Variants in NHLRC1 observed in about 807,000 individuals in gnomAD.
NHLRC1 encodes NHL repeat containing E3 ubiquitin protein ligase 1, also known as E3 ubiquitin-protein ligase NHLRC1.
Under a neutral mutation model 14.6 loss-of-function variants are expected in NHLRC1, and 10 were observed. The observed-to-expected ratio is 0.69, with a 90% CI of 0.42 to 1.17. The LOEUF (loss-of-function observed/expected upper bound fraction) is 1.17. Among genes scored for constraint, NHLRC1 ranks in the 50% most tolerant of loss-of-function variants. The probability of loss-of-function intolerance (pLI) is 0.00; values close to 1 mark genes in which losing one functional copy is unlikely to be tolerated. For missense variants in NHLRC1, 526 were observed against 522.9 expected, an observed-to-expected ratio of 1.01 and a Z score of -0.06; for synonymous variants, 231 against 224.0, an observed-to-expected ratio of 1.03 and a Z score of -0.28.
chr6:18,121,720 A>T lies in NHLRC1; in HGVS notation c.887T>A (p.Val296Glu). The change falls in exon 1 of 1, where the codon GTG becomes GAG. Residue 296 changes from valine (V) to glutamate (E), a missense_variant. Coordinates refer to ENST00000340650, the MANE Select transcript of NHLRC1 (RefSeq NM_198586.3). This position sits in a 1 kb window ranked among gnomAD's most constrained non-coding sequence, Gnocchi z 4.7. The part of the protein sequence containing the change: ...GTGVCSTRVK[V>E]FSSSMQLVGQ... ...GACAAGCTGCATACTTGAGCTAAAC[A>T]CTTTCACCCTGGTGCTGCAAACCCC... 6.2e-7 allele frequency: 1 copy of T among 1,614,000 alleles called. No individual in the cohort carries two copies. The highest frequency in any genetic ancestry group is 8.5e-7 in the Non-Finnish European group (1 of 1,180,020).
At position 18,121,917 on chromosome 6, in the gene NHLRC1, C is replaced by T. The variant is rs1245001963; in HGVS notation, c.690G>A (p.Val230=). The T allele has an allele frequency of 4.3e-6, 7 of 1,614,208 alleles. No homozygotes were observed. The highest frequency in any genetic ancestry group is 1.1e-5 in the South Asian group (1 of 91,088). The change falls in exon 1 of 1, where the codon GTG becomes GTA. Residue 230 remains valine (V), a synonymous_variant. Coordinates refer to ENST00000340650, the MANE Select transcript of NHLRC1 (RefSeq NM_198586.3). The surrounding 1 kb of genome is among the most constrained non-coding windows in gnomAD (Gnocchi z 4.7). ...GGGACCCTGCCTCCGCATCAGTTAC[C>T]ACAATCCCATTCTGAGGGGTGGTCT... is the stretch of plus-strand genomic sequence containing the variant. The part of the protein sequence containing the change: ...GVETTPQNGI[V]VTDAEAGSLH...
chr6:18,121,808 C>A lies in NHLRC1; in HGVS notation c.799G>T (p.Val267Leu), dbSNP rs756925518. The change falls in exon 1 of 1, where the codon GTG becomes TTG. Residue 267 changes from valine to leucine, a missense_variant. Coordinates refer to ENST00000340650, the MANE Select transcript of NHLRC1 (RefSeq NM_198586.3). The surrounding 1 kb of genome is among the most constrained non-coding windows in gnomAD (Gnocchi z 4.7). The part of the protein sequence containing the change: ...LQAHLCNPRG[V>L]AVSWLTGAIA... ...GCCCCGGTGAGCCAAGACACTGCCA[C>A]CCCTCGGGGATTGCACAGATGAGCT... is the stretch of plus-strand genomic sequence containing the variant. 1 of 1,613,918 alleles carries A rather than the reference C, an allele frequency of 6.2e-7. No individual in the cohort carries two copies. Among genetic ancestry groups the A allele is most frequent in the South Asian group, 1.1e-5 (1 of 91,086 alleles).
In NHLRC1 at chr6:18,121,214, C is replaced by G. The variant is rs1188742567; in HGVS notation, c.*205G>C. 1 of 599,520 alleles carries G rather than the reference C, an allele frequency of 1.7e-6. No homozygotes were observed. The highest frequency in any genetic ancestry group is 3.0e-6 in the Non-Finnish European group (1 of 338,342). The allele number at this position is 599,520 out of a possible 1,614,324, so 37.1% of individuals were successfully genotyped here. On this transcript the variant is annotated 3_prime_UTR_variant, in exon 1 of 1. Coordinates refer to ENST00000340650, the MANE Select transcript of NHLRC1 (RefSeq NM_198586.3). This position sits in a 1 kb window ranked among gnomAD's most constrained non-coding sequence, Gnocchi z 4.7. ...CACTGGATAGTACAGATTAAATAAG[C>G]TAATATTTGCAAATTTCCTTGCACA...
chr6:18,122,325 G>A lies in NHLRC1; in HGVS notation c.282C>T (p.Gly94=). Residue 94 remains glycine, a synonymous_variant, in exon 1 of 1, where the codon GGC becomes GGT. Coordinates refer to ENST00000340650, the MANE Select transcript of NHLRC1 (RefSeq NM_198586.3). ...CGGCCGGGGACTGGCGAAGCGCTGA[G>A]CCCAGGAGCTCTATGAGGTGCAGCA... ...LPVLHLIELL[G]SALRQSPAAH... is the part of the protein sequence containing the mutation. 1 of 1,581,044 alleles carries A rather than the reference G, an allele frequency of 6.3e-7. No individual in the cohort carries two copies. The highest frequency in any genetic ancestry group is 8.5e-7 in the Non-Finnish European group (1 of 1,171,204).
Position 18,121,379 on chromosome 6 carries a change from A to G in NHLRC1, c.*40T>C. ...CAGGGTTAAACAATTCATTAATGGC[A>G]GCACTAGTGCTTCTGATTCCAGGGA... On this transcript the variant is annotated 3_prime_UTR_variant, in exon 1 of 1. Transcript: ENST00000340650. The surrounding 1 kb of genome is among the most constrained non-coding windows in gnomAD (Gnocchi z 4.7). 7.0e-7 allele frequency: 1 copy of G among 1,427,202 alleles called. No homozygotes were observed. Among genetic ancestry groups the G allele is most frequent in the Non-Finnish European group, 9.9e-7 (1 of 1,010,520 alleles). 88.4% of individuals were successfully genotyped at this position (1,427,202 alleles called of 1,614,324 possible). A position where few individuals can be genotyped will look rare whatever the true frequency, so the allele number is the denominator to read the frequency against.
Position 18,120,831 on chromosome 6 carries a change from C to G in NHLRC1, c.*588G>C, listed in dbSNP as rs1783719234. ...AGTAACTATGACCTCGAGGAAGTCACTTAAGCTCTCTGGGTCTCAGTTTTC... is the reference window on the plus strand; with the variant it reads ...AGTAACTATGACCTCGAGGAAGTCAGTTAAGCTCTCTGGGTCTCAGTTTTC... On this transcript the variant is annotated 3_prime_UTR_variant, in exon 1 of 1. Coordinates refer to ENST00000340650, the MANE Select transcript of NHLRC1 (RefSeq NM_198586.3). 1 of 154,500 alleles carries G rather than the reference C, an allele frequency of 6.5e-6. No individual in the cohort carries two copies. The allele number at this position is 154,500 out of a possible 1,614,324, so 9.6% of individuals were successfully genotyped here.
rs201855901 is a variant in NHLRC1 at position 18,121,742 on chromosome 6, C to G, written c.865G>C (p.Val289Leu). The change falls in exon 1 of 1, where the codon GTT becomes CTT. Residue 289 changes from valine to leucine, a missense_variant. Physicochemically the swap from Val to Leu is conservative, Grantham distance 32. Transcript: ENST00000340650. This position sits in a 1 kb window ranked among gnomAD's most constrained non-coding sequence, Gnocchi z 4.7. Reference sequence around the variant, plus strand: ...AACACTTTCACCCTGGTGCTGCAAACCCCAGTCCCCAGGGCCAGGGGGTGC... The same window carrying G: ...AACACTTTCACCCTGGTGCTGCAAAGCCCAGTCCCCAGGGCCAGGGGGTGC... ...LEHPLALGTG[V>L]CSTRVKVFSS... is the part of the protein sequence containing the mutation. 6.2e-7 allele frequency: 1 copy of G among 1,614,036 alleles called. No individual in the cohort carries two copies. Among genetic ancestry groups the G allele is most frequent in the African/African-American group, 1.3e-5 (1 of 75,046 alleles).
In NHLRC1 at chr6:18,122,472, G is replaced by C. The variant is rs2150703342; in HGVS notation, c.135C>G (p.Ser45=). Residue 45 remains serine, a synonymous_variant, in exon 1 of 1, where the codon TCC becomes TCG. Coordinates refer to ENST00000340650, the MANE Select transcript of NHLRC1 (RefSeq NM_198586.3). ...AGGCCAGGCAGACCACGTGGCCGCA[G>C]GACAGGTTGCGCGGGCGCCGCTGCT... ...HRQQRRPRNL[S]CGHVVCLACV... 1 of 1,596,734 alleles carries C rather than the reference G, an allele frequency of 6.3e-7. No individual in the cohort carries two copies.
At position 18,120,495 on chromosome 6, in the gene NHLRC1, AC is replaced by A. The variant is rs2150702301; in HGVS notation, c.*923del. The A allele has an allele frequency of 6.6e-6, 1 of 152,360 alleles. No individual in the cohort carries two copies. Among genetic ancestry groups the A allele is most frequent in the Non-Finnish European group, 1.5e-5 (1 of 68,034 alleles). 9.4% of individuals were successfully genotyped at this position (152,360 alleles called of 1,614,324 possible). A position where few individuals can be genotyped will look rare whatever the true frequency, so the allele number is the denominator to read the frequency against. ...GATATAGGCGTTAAAAGACATGTTT[AC>A]TTTTTTAATAAGCAGTTCAATTGTT... On this transcript the variant is annotated 3_prime_UTR_variant, in exon 1 of 1. Coordinates refer to ENST00000340650, the MANE Select transcript of NHLRC1 (RefSeq NM_198586.3).
Position 18,122,445 on chromosome 6 carries a change from G to A in NHLRC1, c.162C>T (p.Cys54=). Residue 54 remains cysteine, a synonymous_variant, in exon 1 of 1, where the codon TGC becomes TGT. Coordinates refer to ENST00000340650, the MANE Select transcript of NHLRC1 (RefSeq NM_198586.3). ...TGCGCGGGTGCGCCAGGGCGGCCACGCAGGCCAGGCAGACCACGTGGCCGC... is the reference window on the plus strand; with the variant it reads ...TGCGCGGGTGCGCCAGGGCGGCCACACAGGCCAGGCAGACCACGTGGCCGC... ...LSCGHVVCLA[C]VAALAHPRTL... 8.8e-6 allele frequency: 14 copies of A among 1,594,004 alleles called. No homozygotes were observed. The highest frequency in any genetic ancestry group is 1.2e-5 in the Non-Finnish European group (14 of 1,177,948).
At position 18,121,141 on chromosome 6, in the gene NHLRC1, G is replaced by T. The variant is rs147601747; in HGVS notation, c.*278C>A. 6 of 452,012 alleles carry T rather than the reference G, an allele frequency of 1.3e-5. No homozygotes were observed. In the East Asian group the frequency reaches 2.7e-4, roughly 20 times the overall value. The allele number at this position is 452,012 out of a possible 1,614,324, so 28.0% of individuals were successfully genotyped here. A position where few individuals can be genotyped will look rare whatever the true frequency, so the allele number is the denominator to read the frequency against. ...GCTGTGATCATGCTTCTGCACTCCA[G>T]CCTGGGTGACAGAGCTTGACTCTAT... is the stretch of plus-strand genomic sequence containing the variant. On this transcript the variant is annotated 3_prime_UTR_variant, in exon 1 of 1. Coordinates refer to ENST00000340650, the MANE Select transcript of NHLRC1 (RefSeq NM_198586.3). The surrounding 1 kb of genome is among the most constrained non-coding windows in gnomAD (Gnocchi z 4.7).
In NHLRC1 at chr6:18,121,731, G is replaced by C; in HGVS notation, c.876C>G (p.Thr292=). The stretch of plus-strand genomic sequence containing the variant: ...TACTTGAGCTAAACACTTTCACCCT[G>C]GTGCTGCAAACCCCAGTCCCCAGGG... ...PLALGTGVCS[T]RVKVFSSSMQ... The change falls in exon 1 of 1, where the codon ACC becomes ACG. Residue 292 remains threonine, a synonymous_variant. Coordinates refer to ENST00000340650, the MANE Select transcript of NHLRC1 (RefSeq NM_198586.3). The surrounding 1 kb of genome is among the most constrained non-coding windows in gnomAD (Gnocchi z 4.7). 1 of 1,614,062 alleles carries C rather than the reference G, an allele frequency of 6.2e-7. No individual in the cohort carries two copies. The highest frequency in any genetic ancestry group is 8.5e-7 in the Non-Finnish European group (1 of 1,180,026).
Position 18,122,288 on chromosome 6 carries a change from C to T in NHLRC1, c.319G>A (p.Ala107Thr), listed in dbSNP as rs796052755. The change falls in exon 1 of 1, where the codon GCC (alanine) becomes ACC (threonine). Residue 107 changes from alanine to threonine, a missense_variant. Ala to Thr is a moderately conservative substitution (Grantham distance 58). Coordinates refer to ENST00000340650, the MANE Select transcript of NHLRC1 (RefSeq NM_198586.3). The part of the protein sequence containing the change: ...LRQSPAAHRA[A>T]PSAPGALTCH... ...GTGAGGGCTCCGGGGGCGCTGGGGGCGGCGCGATGGGCGGCCGGGGACTGG... is the reference window on the plus strand; with the variant it reads ...GTGAGGGCTCCGGGGGCGCTGGGGGTGGCGCGATGGGCGGCCGGGGACTGG... The T allele has an allele frequency of 1.3e-6, 2 of 1,597,302 alleles. No homozygotes were observed. The highest frequency in any genetic ancestry group is 1.3e-5 in the African/African-American group (1 of 74,838).
At position 18,121,165 on chromosome 6, in the gene NHLRC1, A is replaced by G. The variant is rs1783725605; in HGVS notation, c.*254T>C. 5 of 489,170 alleles carry G rather than the reference A, an allele frequency of 1.0e-5. No homozygotes were observed. The highest frequency in any genetic ancestry group is 6.6e-5 in the Admixed American group (2 of 30,078). 30.3% of individuals were successfully genotyped at this position (489,170 alleles called of 1,614,324 possible). A position where few individuals can be genotyped will look rare whatever the true frequency, so the allele number is the denominator to read the frequency against. ...AGCCTGGGTGACAGAGCTTGACTCT[A>G]TCTTGGGGGGGAAGAAATTACCTCA... On this transcript the variant is annotated 3_prime_UTR_variant, in exon 1 of 1. Coordinates refer to ENST00000340650, the MANE Select transcript of NHLRC1 (RefSeq NM_198586.3). This position sits in a 1 kb window ranked among gnomAD's most constrained non-coding sequence, Gnocchi z 4.7.
At position 18,121,165 on chromosome 6, in the gene NHLRC1, A is replaced by C. The variant is rs1783725605; in HGVS notation, c.*254T>G. The stretch of plus-strand genomic sequence containing the variant: ...AGCCTGGGTGACAGAGCTTGACTCT[A>C]TCTTGGGGGGGAAGAAATTACCTCA... On this transcript the variant is annotated 3_prime_UTR_variant, in exon 1 of 1. Coordinates refer to ENST00000340650, the MANE Select transcript of NHLRC1 (RefSeq NM_198586.3). This position sits in a 1 kb window ranked among gnomAD's most constrained non-coding sequence, Gnocchi z 4.7. The C allele has an allele frequency of 4.1e-6, 2 of 489,286 alleles. No homozygotes were observed. The highest frequency in any genetic ancestry group is 7.4e-6 in the Non-Finnish European group (2 of 268,626). 30.3% of individuals were successfully genotyped at this position (489,286 alleles called of 1,614,324 possible).
Position 18,122,307 on chromosome 6 carries a change from G to A in NHLRC1, c.300C>T (p.Ser100=), listed in dbSNP as rs774110305. ...IELLGSALRQ[S]PAAHRAAPSA... ...TGGGGGCGGCGCGATGGGCGGCCGG[G>A]GACTGGCGAAGCGCTGAGCCCAGGA... is the stretch of plus-strand genomic sequence containing the variant. Residue 100 remains serine, a synonymous_variant, in exon 1 of 1, where the codon TCC becomes TCT. Transcript: ENST00000340650. 1.9e-6 allele frequency: 3 copies of A among 1,588,862 alleles called. No homozygotes were observed. The Admixed American group carries it at 5.2e-5, about 28-fold the overall frequency.
In NHLRC1 at chr6:18,121,642, G is replaced by A. The variant is rs775777721; in HGVS notation, c.965C>T (p.Ala322Val). Residue 322 changes from alanine to valine, a missense_variant, in exon 1 of 1, where the codon GCC becomes GTC. By Grantham distance (64) the Ala-to-Val change is moderately conservative. Transcript: ENST00000340650. This position sits in a 1 kb window ranked among gnomAD's most constrained non-coding sequence, Gnocchi z 4.7. ...CTGGTGATCAAAGGTCACAGCGGAG[G>A]CAGTTATTTTGGAGGGAAAGTAGAG... ...LSLYFPSKIT[A>V]SAVTFDHQGN... is the part of the protein sequence containing the mutation. 2.5e-6 allele frequency: 4 copies of A among 1,614,142 alleles called. No homozygotes were observed. The highest frequency in any genetic ancestry group is 2.5e-6 in the Non-Finnish European group (3 of 1,180,024).
chr6:18,121,883 G>A lies in NHLRC1; in HGVS notation c.724C>T (p.Leu242=). The A allele has an allele frequency of 6.2e-7, 1 of 1,614,164 alleles. No homozygotes were observed. The highest frequency in any genetic ancestry group is 8.5e-7 in the Non-Finnish European group (1 of 1,180,036). Residue 242 remains leucine (L), a synonymous_variant, in exon 1 of 1, where the codon CTG becomes TTG. Coordinates refer to ENST00000340650, the MANE Select transcript of NHLRC1 (RefSeq NM_198586.3). The surrounding 1 kb of genome is among the most constrained non-coding windows in gnomAD (Gnocchi z 4.7). ...TDAEAGSLHL[L]DVDFAEGVLR... The stretch of plus-strand genomic sequence containing the variant: ...ACCCCTTCCGCGAAGTCGACGTCCA[G>A]GAGGTGCAGGGACCCTGCCTCCGCA...
chr6:18,120,983 C>T lies in NHLRC1; in HGVS notation c.*436G>A. The T allele has an allele frequency of 4.7e-6, 1 of 213,548 alleles. No individual in the cohort carries two copies. Among genetic ancestry groups the T allele is most frequent in the Non-Finnish European group, 9.5e-6 (1 of 105,358 alleles). The allele number at this position is 213,548 out of a possible 1,614,324, so 13.2% of individuals were successfully genotyped here. ...CTCAGGAGTTTGAGACCAGCCTGGGCAACATGGTGAAACCCCATCTCTGCC... is the reference window on the plus strand; with the variant it reads ...CTCAGGAGTTTGAGACCAGCCTGGGTAACATGGTGAAACCCCATCTCTGCC... On this transcript the variant is annotated 3_prime_UTR_variant, in exon 1 of 1. Coordinates refer to ENST00000340650, the MANE Select transcript of NHLRC1 (RefSeq NM_198586.3).
Sources: gnomAD v4.1 joint callset for allele counts on GRCh38, gnomAD v4.1.1 for gene constraint, Gnocchi (gnomAD v3.1) non-coding constraint, MANE v1.5 for transcripts, NCBI Gene and HGNC (gene_info 2026-07-23, HGNC 2026-07-21) for gene names.